The following GGA1 variants were observed in gnomAD, a reference collection of about 807,000 sequenced individuals.
The protein encoded by GGA1 is ADP-ribosylation factor-binding protein GGA1.
In GGA1, 18 loss-of-function variants were observed where a neutral mutation model predicts 76.9. The observed-to-expected ratio is 0.23, with a 90% CI of 0.16 to 0.35. GGA1 has a LOEUF of 0.35. GGA1 is among the 10% of genes least tolerant of loss of function. GGA1 has a pLI of 1.00. For missense variants in GGA1, 755 were observed against 859.0 expected (o/e 0.88, Z 1.51); for synonymous variants, 342 against 354.7 (o/e 0.96, Z 0.40).
Position 37,632,232 on chromosome 22 carries a change from GGA to G in GGA1, c.1698+69_1698+70del. 6.7e-7 allele frequency: 1 copy of G among 1,499,348 alleles called. No individual in the cohort carries two copies. Among genetic ancestry groups the G allele is most frequent in the South Asian group, 1.2e-5 (1 of 83,772 alleles). The allele number at this position is 1,499,348 out of a possible 1,614,324, so 92.9% of individuals were successfully genotyped here. On this transcript the variant is annotated intron_variant, in intron 15 of 16. Transcript: ENST00000343632. The surrounding 1 kb of genome is among the most constrained non-coding windows in gnomAD (Gnocchi z 5.1). Reference sequence around the variant, plus strand: ...GGCAGGGTGACATGGAGCTGGGTGGGGAGCCACCTGTCAGGGGGCAGGTCTCC... The same window carrying G: ...GGCAGGGTGACATGGAGCTGGGTGGGGCCACCTGTCAGGGGGCAGGTCTCC...
chr22:37,620,614 G>A (rs1394326139), intron 5 of GGA1, among the ~76,000 whole-genome samples, 199 bp from the exon 6 acceptor site: 1 of 152,074 alleles, frequency 6.6e-6, no homozygotes, highest in Non-Finnish European at 1.5e-5. Context: ...CAAAATATGG[G>A]TCCCCAAACC....
chr22:37,612,188 G>A (rs188399745), intron 1 of GGA1, among the ~76,000 whole-genome samples: 86 of 151,742 alleles, frequency 5.7e-4, no homozygotes, highest in African/African-American at 2.0e-3. Flanking sequence ...ATACAGGCCG[G>A]ACGCAGTGGC....
chr22:37,620,924 A>C lies in GGA1; in HGVS notation c.528+11A>C, dbSNP rs1248596805. The stretch of plus-strand genomic sequence containing the variant: ...GAGGAGAAATCCAAGGTGAGACTCC[A>C]AGGAGGCACATATGGGGACTCTGAG... On this transcript the variant is annotated intron_variant, in intron 6 of 16. Coordinates refer to ENST00000343632, the MANE Select transcript of GGA1 (RefSeq NM_013365.5). The C allele has an allele frequency of 7.8e-6, 12 of 1,533,240 alleles. No homozygotes were observed. Among genetic ancestry groups the C allele is most frequent in the Non-Finnish European group, 1.1e-5 (12 of 1,106,200 alleles). 95.0% of individuals were successfully genotyped at this position (1,533,240 alleles called of 1,614,324 possible).
rs760377542 is a variant in GGA1, at chr22:37,614,286, TC to T, written c.128+16del. ...GAGGACTTTGAGGGGTAGGTGGCCG[TC>T]CCCACTTGTTTGCACTGCCCTGCAC... On this transcript the variant is annotated intron_variant, in intron 2 of 16. Transcript: ENST00000343632. The T allele has an allele frequency of 1.3e-6, 2 of 1,594,878 alleles. No individual in the cohort carries two copies. Among genetic ancestry groups the T allele is most frequent in the South Asian group, 2.2e-5 (2 of 90,672 alleles).
intron 13 of GGA1, 33 bp downstream of exon 13, chr22:37,630,203 G>T (rs750140289): frequency 6.0e-6 from 9 of 1,495,158 alleles, no homozygotes; most frequent in Non-Finnish European, 7.2e-6. Context: ...ATGGGGTGGG[G>T]AGCACTCCCT....
chr22:37,629,416 G>A, intron 11 of GGA1, 46 bp from the exon 12 acceptor site: 2 of 1,398,008 alleles, frequency 1.4e-6, no homozygotes, highest in Non-Finnish European at 2.0e-6. Flanking sequence ...TCTGGCCTCT[G>A]CAGGGTCAGC....
Position 37,625,156 on chromosome 22 carries a change from C to A in GGA1, c.940+80C>A. On this transcript the variant is annotated intron_variant, in intron 10 of 16. Transcript: ENST00000343632. This position sits in a 1 kb window ranked among gnomAD's most constrained non-coding sequence, Gnocchi z 4.1. ...AGAGTGCAGGGTGGTGTGCTGGTCT[C>A]AGAGCGGCTGGAATGACTGCCAGGG... is the stretch of plus-strand genomic sequence containing the variant. 7.7e-7 allele frequency: 1 copy of A among 1,300,642 alleles called. No individual in the cohort carries two copies. The highest frequency in any genetic ancestry group is 1.1e-6 in the Non-Finnish European group (1 of 925,782). The allele number at this position is 1,300,642 out of a possible 1,614,324, so 80.6% of individuals were successfully genotyped here. A position where few individuals can be genotyped will look rare whatever the true frequency, so the allele number is the denominator to read the frequency against.
At chr22:37,615,493 T>C (rs927539312) in intron 2 of GGA1, among the ~76,000 whole-genome samples, 1 of 151,852 alleles carries the variant, frequency 6.6e-6, no homozygotes, top group Admixed American at 6.6e-5. Flanking sequence ...AGGCCGGGTG[T>C]GGTGGCTTAC....
intron 1 of GGA1, 146 bp from the exon 2 acceptor site, chr22:37,614,044 G>A (rs1328268837): frequency 1.5e-5 from 10 of 656,208 alleles, no homozygotes; most frequent in Non-Finnish European, 2.8e-5. Flanking sequence ...TCTTGAGGCT[G>A]TCTGGGCAGG....
chr22:37,619,931 G>A, intron 4 of GGA1: 2 of 678,056 alleles, frequency 2.9e-6, no homozygotes, highest in Admixed American at 2.3e-5. Flanking sequence ...CTCTTTCCTG[G>A]GATGTCAAGG....
At chr22:37,615,824 G>A (rs1266263680) in intron 2 of GGA1, among the ~76,000 whole-genome samples, 1 of 151,568 alleles carries the variant, frequency 6.6e-6, no homozygotes, top group Non-Finnish European at 1.5e-5. Flanking sequence ...TCCAGTGGGG[G>A]GTTGGGAGTG....
intron 1 of GGA1, chr22:37,612,848 T>G: frequency 1.2e-6 from 1 of 853,838 alleles, no homozygotes; most frequent in South Asian, 5.4e-5. Context: ...GCATGTAAGC[T>G]AGATTGTTGT....
At chr22:37,627,167 AAAAG>A (rs1364462427) in intron 11 of GGA1, 11 of 152,398 alleles carry the variant, frequency 7.2e-5, no homozygotes, top group Admixed American at 5.9e-4. Flanking sequence ...TCTCACAAAA[AAAAG>A]AAAAAGAAAA....
At chr22:37,618,668 C>T in intron 4 of GGA1, 122 bp downstream of exon 4, 1 of 630,132 alleles carries the variant, frequency 1.6e-6, no homozygotes, top group Non-Finnish European at 2.9e-6. Context: ...CTCAGCCCCC[C>T]ATTAGAACTC....
Position 37,631,943 on chromosome 22 carries a change from A to G in GGA1, c.1529-53A>G, listed in dbSNP as rs1931873641. ...CCAGCCGGGTGGGGGCTGGGGGCTG[A>G]GCGGATGTGCTGCAGCTCAGCTGTC... On this transcript the variant is annotated intron_variant, in intron 14 of 16. Coordinates refer to ENST00000343632, the MANE Select transcript of GGA1 (RefSeq NM_013365.5). 4 of 1,519,320 alleles carry G rather than the reference A, an allele frequency of 2.6e-6. No individual in the cohort carries two copies. The South Asian group carries it at 4.8e-5, about 18-fold the overall frequency. The allele number at this position is 1,519,320 out of a possible 1,614,324, so 94.1% of individuals were successfully genotyped here. A position where few individuals can be genotyped will look rare whatever the true frequency, so the allele number is the denominator to read the frequency against.
At chr22:37,631,932 G>C (rs1931869806) in intron 14 of GGA1, 64 bp from the exon 15 acceptor site, 2 of 1,459,046 alleles carry the variant, frequency 1.4e-6, no homozygotes, top group Non-Finnish European at 1.9e-6. Flanking sequence ...CCGGGTGGGG[G>C]CTGGGGGCTG....
rs922789397 is a variant in GGA1 at position 37,623,386 on chromosome 22, C to A, written c.669C>A (p.Asn223Lys). 6.2e-7 allele frequency: 1 copy of A among 1,613,832 alleles called. No individual in the cohort carries two copies. Among genetic ancestry groups the A allele is most frequent in the Non-Finnish European group, 8.5e-7 (1 of 1,179,714 alleles). The change falls in exon 8 of 17, where the codon AAC becomes AAA. Residue 223 changes from asparagine to lysine, a missense_variant. Transcript: ENST00000343632. This position sits in a 1 kb window ranked among gnomAD's most constrained non-coding sequence, Gnocchi z 4.6. ...TGAATGCCATCGAGGAGGTGAACAA[C>A]AATGTGAAACTGCTCACGGAGATGG... is the stretch of plus-strand genomic sequence containing the variant. ...KRVNAIEEVN[N>K]NVKLLTEMVM...
In GGA1 at chr22:37,618,440, C is replaced by G. The variant is rs1929226286; in HGVS notation, c.205-8C>G. On this transcript the variant is annotated splice_polypyrimidine_tract_variant and splice_region_variant and intron_variant, in intron 3 of 16. Coordinates refer to ENST00000343632, the MANE Select transcript of GGA1 (RefSeq NM_013365.5). ...GGGCGTCCCCTCCCATCCCCCCTCC[C>G]TGCACAGGTGCTGGAAACATGCATG... The G allele has an allele frequency of 6.3e-7, 1 of 1,590,900 alleles. No individual in the cohort carries two copies. Among genetic ancestry groups the G allele is most frequent in the African/African-American group, 1.3e-5 (1 of 74,610 alleles).
chr22:37,613,743 G>A (rs1005917181), intron 1 of GGA1, among the ~76,000 whole-genome samples: 2 of 152,090 alleles, frequency 1.3e-5, no homozygotes, highest in Non-Finnish European at 2.9e-5. Context: ...TCTGTCACAC[G>A]TTATTGAGAA....
Sources: allele counts gnomAD v4.1 joint callset (sites outside exome capture counted in the v4.1 genomes callset), GRCh38; gene constraint gnomAD v4.1.1; non-coding constraint Gnocchi (gnomAD v3.1); transcripts MANE v1.5; gene names NCBI Gene and HGNC (gene_info 2026-07-23, HGNC 2026-07-21).